Variants in ASIC2 observed in about 807,000 individuals in gnomAD.
ASIC2 encodes the protein acid-sensing ion channel 2.
A neutral mutation model predicts 57.3 loss-of-function variants in ASIC2; 25 were observed. That is an observed-to-expected ratio of 0.44 (90% confidence interval 0.32 to 0.61). The LOEUF is 0.61. Ranked by LOEUF, ASIC2 falls within the 20% of genes least tolerant of loss-of-function variation. The pLI is 0.06. For synonymous variants in ASIC2, 319 were observed against 307.5 expected, an observed-to-expected ratio of 1.04 and a Z score of -0.39; for missense variants, 641 against 738.1, an observed-to-expected ratio of 0.87 and a Z score of 1.52.
At chr17:33,986,498 AT>A (rs1397314911) in intron 1 of ASIC2, among the ~76,000 whole-genome samples, 1 of 152,080 alleles carries the variant, frequency 6.6e-6, no homozygotes, top group Non-Finnish European at 1.5e-5. Context: ...ATTTTCCTAA[AT>A]CCTTCTGGGC....
intron 1 of ASIC2, among the ~76,000 whole-genome samples, chr17:33,550,958 C>G (rs888767069): frequency 6.6e-6 from 1 of 152,096 alleles, no homozygotes; most frequent in Non-Finnish European, 1.5e-5. Context: ...TATGTTGAAG[C>G]TCTGGGTGGG....
chr17:34,008,730 C>A (rs2142019719), intron 1 of ASIC2, among the ~76,000 whole-genome samples: 1 of 152,342 alleles, frequency 6.6e-6, no homozygotes, highest in Middle Eastern at 3.4e-3. Flanking sequence ...TCCCATTCCT[C>A]CACTCTTTGA....
rs982713616 is a variant in ASIC2 at position 33,814,259 on chromosome 17, G to C, written c.555+341719C>G. Among the ~76,000 whole-genome samples the C allele has an allele frequency of 7.9e-5, 12 of 152,286 alleles. No individual in the cohort carries two copies. The East Asian group carries it at 2.1e-3, about 27-fold the overall frequency. ...ACATATCAAGCTTCCTCCATGGGAA[G>C]CAAAGAAAAAGCAAAGCATAAGTCA... On this transcript the variant is annotated intron_variant, in intron 1 of 9. Transcript: ENST00000359872.
chr17:33,699,158 A>G (rs185374586), intron 1 of ASIC2, among the ~76,000 whole-genome samples: 1 of 152,198 alleles, frequency 6.6e-6, no homozygotes, highest in South Asian at 2.1e-4. Flanking sequence ...TGAGCCTGTA[A>G]CACTGGTTCT....
At chr17:34,119,403 C>T (rs964781610) in intron 1 of ASIC2, among the ~76,000 whole-genome samples, 4 of 152,184 alleles carry the variant, frequency 2.6e-5, no homozygotes, top group African/African-American at 7.2e-5. Context: ...AATTTTTATA[C>T]AACATGTATA....
intron 1 of ASIC2, among the ~76,000 whole-genome samples, chr17:33,371,116 A>T (rs78943872): frequency 1.3e-5 from 2 of 152,236 alleles, no homozygotes; most frequent in Non-Finnish European, 2.9e-5. Flanking sequence ...ATTTTGCAAG[A>T]ATTGATATTA....
At chr17:33,524,951 C>T (rs1458122615) in intron 1 of ASIC2, among the ~76,000 whole-genome samples, 2 of 152,270 alleles carry the variant, frequency 1.3e-5, no homozygotes, top group East Asian at 1.9e-4. Context: ...CCAGCAGCTC[C>T]CTTGGGAATG....
intron 1 of ASIC2, among the ~76,000 whole-genome samples, chr17:34,092,255 T>A (rs1910361745): frequency 6.6e-6 from 1 of 152,176 alleles, no homozygotes; most frequent in South Asian, 2.1e-4. Flanking sequence ...AGGAACAGCC[T>A]CATCAGTGGA....
chr17:33,413,135 G>A (rs181534356), intron 1 of ASIC2, among the ~76,000 whole-genome samples: 1 of 152,268 alleles, frequency 6.6e-6, no homozygotes, highest in Admixed American at 6.5e-5. Flanking sequence ...CCCGAGATGT[G>A]TTTCCAAGGT....
intron 1 of ASIC2, among the ~76,000 whole-genome samples, chr17:34,135,509 C>T (rs74476622): frequency 0.012 from 1,770 of 152,288 alleles, 37 homozygotes; most frequent in African/African-American, 0.041. Context: ...GATGCCTGGA[C>T]ATCAACCCAG....
At chr17:34,092,111 G>A (rs963720429) in intron 1 of ASIC2, among the ~76,000 whole-genome samples, 2 of 151,770 alleles carry the variant, frequency 1.3e-5, no homozygotes, top group East Asian at 1.9e-4. Context: ...AGTGGATCCC[G>A]GACACCAGGT....
At chr17:33,693,538 G>A (rs1908436474) in intron 1 of ASIC2, among the ~76,000 whole-genome samples, 1 of 152,220 alleles carries the variant, frequency 6.6e-6, no homozygotes, top group Non-Finnish European at 1.5e-5. Context: ...TACTAGGTAT[G>A]TAGTCAGGGG....
upstream of ASIC2, among the ~76,000 whole-genome samples, chr17:33,293,545 T>C (rs1905598594): frequency 6.6e-6 from 1 of 152,108 alleles, no homozygotes; most frequent in African/African-American, 2.4e-5. Flanking sequence ...ACCATTGTGC[T>C]GATGTGGCCC....
At chr17:33,402,170 G>A (rs1020430100) in intron 1 of ASIC2, among the ~76,000 whole-genome samples, 1 of 152,116 alleles carries the variant, frequency 6.6e-6, no homozygotes, top group Non-Finnish European at 1.5e-5. Flanking sequence ...GATCTGAGGG[G>A]CCACACTGCA....
intron 1 of ASIC2, among the ~76,000 whole-genome samples, chr17:33,510,682 G>GTCACACCGA (rs1445695495): frequency 6.6e-6 from 1 of 152,142 alleles, no homozygotes; most frequent in African/African-American, 2.4e-5. Context: ...AAAGGGCTTA[G>GTCACACCGA]TCACACCGAG....
intron 1 of ASIC2, among the ~76,000 whole-genome samples, chr17:33,884,181 GT>G (rs1914770269): frequency 6.6e-6 from 1 of 152,166 alleles, no homozygotes; most frequent in Admixed American, 6.5e-5. Flanking sequence ...CTGAAGATTG[GT>G]TGTGGCCAGT....
intron 1 of ASIC2, among the ~76,000 whole-genome samples, chr17:33,123,646 C>T (rs7224255): frequency 1.1e-4 from 16 of 152,268 alleles, no homozygotes; most frequent in African/African-American, 3.9e-4. Context: ...TCTTGCAAAA[C>T]TCTGCATTAC....
At chr17:33,671,440 C>T (rs935578870) in intron 1 of ASIC2, among the ~76,000 whole-genome samples, 1 of 152,180 alleles carries the variant, frequency 6.6e-6, no homozygotes, top group African/African-American at 2.4e-5. Context: ...TGATAGCGTT[C>T]CCACTGGTTG....
intron 1 of ASIC2, among the ~76,000 whole-genome samples, chr17:33,919,447 G>A (rs984243326): frequency 6.6e-6 from 1 of 152,148 alleles, no homozygotes; most frequent in Non-Finnish European, 1.5e-5. Context: ...ATAGTGCTGG[G>A]ATAACTGTCT....
Sources: allele counts gnomAD v4.1 joint callset (sites outside exome capture counted in the v4.1 genomes callset), GRCh38; gene constraint gnomAD v4.1.1; transcripts MANE v1.5; gene names NCBI Gene and HGNC (gene_info 2026-07-23, HGNC 2026-07-21).